Variants in SLC35A3 observed in about 807,000 individuals in gnomAD.
SLC35A3 encodes the protein UDP-N-acetylglucosamine transporter.
SLC35A3 carries 26 observed loss-of-function variants against 39.0 expected under a neutral mutation model. The observed-to-expected ratio is 0.67, with a 90% CI of 0.49 to 0.92. SLC35A3 has a LOEUF of 0.92. Ranked by LOEUF, SLC35A3 falls within the 40% of genes least tolerant of loss-of-function variation. The probability of loss-of-function intolerance (pLI) is 0.00; values close to 1 mark genes in which losing one functional copy is unlikely to be tolerated. For synonymous variants in SLC35A3, 135 were observed against 133.1 expected, an observed-to-expected ratio of 1.01 and a Z score of -0.10; for missense variants, 299 against 371.6, an observed-to-expected ratio of 0.80 and a Z score of 1.61.
intron 1 of SLC35A3, among the ~76,000 whole-genome samples, chr1:99,971,756 T>G (rs1004545414): frequency 3.3e-5 from 5 of 152,248 alleles, no homozygotes; most frequent in African/African-American, 1.2e-4. Context: ...TTTTATCATT[T>G]CTTCCTACAA....
intron 5 of SLC35A3, among the ~76,000 whole-genome samples, chr1:100,012,446 C>T (rs1170322963): frequency 4.6e-5 from 7 of 151,882 alleles, no homozygotes; most frequent in African/African-American, 9.7e-5. Flanking sequence ...CTCCAATGCT[C>T]ATAGAAAAAA....
chr1:99,999,193 T>C, intron 2 of SLC35A3, 68 bp from the exon 3 acceptor site: 1 of 989,382 alleles, frequency 1.0e-6, no homozygotes, highest in Middle Eastern at 3.4e-4. Flanking sequence ...AAAATTGAGA[T>C]CTTGAGAGCA....
chr1:100,011,367 G>T lies in SLC35A3; in HGVS notation c.468G>T (p.Trp156Cys). The T allele has an allele frequency of 6.8e-7, 1 of 1,466,690 alleles. No homozygotes were observed. The highest frequency in any genetic ancestry group is 2.4e-5 in the East Asian group (1 of 41,476). The allele number at this position is 1,466,690 out of a possible 1,614,324, so 90.9% of individuals were successfully genotyped here. Residue 156 changes from tryptophan to cysteine, a missense_variant and splice_region_variant, in exon 5 of 8, where the codon TGG (tryptophan) becomes TGT (cysteine). Transcript: ENST00000533028. ...ATTTTATTTTTCTTCTTATTTAGTG[G>T]CCCTCAGATTCTCAGCTTGATTCTA... ...ILMTGVAFVQ[W>C]PSDSQLDSKE...
intron 3 of SLC35A3, among the ~76,000 whole-genome samples, chr1:100,003,416 C>CAAAAAA (rs34020224): frequency 1.8e-4 from 10 of 57,052 alleles, no homozygotes; most frequent in Admixed American, 3.8e-4. Flanking sequence ...AACTCCATCT[C>CAAAAAA]AAAAAAAAAA....
intron 6 of SLC35A3, among the ~76,000 whole-genome samples, chr1:100,016,258 G>T (rs187028980): frequency 2.6e-4 from 39 of 151,366 alleles, no homozygotes; most frequent in Non-Finnish European, 5.2e-4. Flanking sequence ...AGAGACGGGG[G>T]TTTCACCATG....
intron 2 of SLC35A3, among the ~76,000 whole-genome samples, chr1:99,998,269 C>T (rs141928474): frequency 6.6e-6 from 1 of 152,082 alleles, no homozygotes; most frequent in Non-Finnish European, 1.5e-5. Flanking sequence ...ATCCTCCTGC[C>T]TCAGCCTCCT....
intron 4 of SLC35A3, among the ~76,000 whole-genome samples, chr1:100,010,954 C>T (rs1195223432): frequency 2.6e-5 from 4 of 152,082 alleles, no homozygotes; most frequent in Admixed American, 2.6e-4. Flanking sequence ...AACAGCTTCC[C>T]TTTATTATGC....
At position 99,973,945 on chromosome 1, in the gene SLC35A3, G is replaced by A. The variant is rs185993015; in HGVS notation, c.-19+3783G>A. Among the ~76,000 whole-genome samples the A allele has an allele frequency of 7.1e-4, 108 of 151,812 alleles. 1 individual carries two copies. Among genetic ancestry groups the A allele is most frequent in the African/African-American group, 2.5e-3 (105 of 41,374 alleles). ...CAGGAGAATTGCTTGAACGCGGGAG[G>A]CGGAGGTTGCAGTGAGCCAAAATCG... is the stretch of plus-strand genomic sequence containing the variant. On this transcript the variant is annotated intron_variant, in intron 1 of 7. Coordinates refer to ENST00000533028, the MANE Select transcript of SLC35A3 (RefSeq NM_012243.3).
chr1:99,986,586 A>T (rs987830027), intron 1 of SLC35A3, among the ~76,000 whole-genome samples: 2 of 151,218 alleles, frequency 1.3e-5, no homozygotes, highest in Admixed American at 6.6e-5. Flanking sequence ...TTATTTATTT[A>T]TTTATTTTTT....
At position 100,012,760 on chromosome 1, in the gene SLC35A3, A is replaced by G. The variant is rs144099588; in HGVS notation, c.634+1227A>G. On this transcript the variant is annotated intron_variant, in intron 5 of 7. Coordinates refer to ENST00000533028, the MANE Select transcript of SLC35A3 (RefSeq NM_012243.3). Reference sequence around the variant, plus strand: ...TCTGGATAAAAGTCTATCCTATAAGAGCACAAAGATAGATGTCCAGGATTA... The same window carrying G: ...TCTGGATAAAAGTCTATCCTATAAGGGCACAAAGATAGATGTCCAGGATTA... Among the ~76,000 whole-genome samples, 237 of 152,352 alleles carry G rather than the reference A, an allele frequency of 1.6e-3. 5 individuals carry two copies. The highest frequency in any genetic ancestry group is 0.013 in the Admixed American group (193 of 15,304).
At chr1:100,017,910 G>A in intron 7 of SLC35A3, 95 bp downstream of exon 7, 3 of 629,948 alleles carry the variant, frequency 4.8e-6, no homozygotes, top group Non-Finnish European at 7.8e-6. Context: ...AAGAAGCACT[G>A]AAATATAATT....
At chr1:99,972,186 CCA>C (rs1656854603) in intron 1 of SLC35A3, among the ~76,000 whole-genome samples, 1 of 152,084 alleles carries the variant, frequency 6.6e-6, no homozygotes, top group Non-Finnish European at 1.5e-5. Flanking sequence ...CAGGCATGAG[CCA>C]CTACGCCCAG....
chr1:100,003,138 G>C (rs1184377773), intron 3 of SLC35A3, among the ~76,000 whole-genome samples: 1 of 151,920 alleles, frequency 6.6e-6, no homozygotes, highest in African/African-American at 2.4e-5. Flanking sequence ...TTTCTAGGCT[G>C]GGCACAGTGG....
chr1:100,013,727 A>G (rs545144785), intron 5 of SLC35A3, among the ~76,000 whole-genome samples: 70 of 152,188 alleles, frequency 4.6e-4, no homozygotes, highest in Non-Finnish European at 5.0e-4. Context: ...ATGTAATACC[A>G]TCATATAAAA....
Position 100,011,443 on chromosome 1 carries a change from G to A in SLC35A3, c.544G>A (p.Ala182Thr). The A allele has an allele frequency of 6.3e-7, 1 of 1,583,334 alleles. No homozygotes were observed. The highest frequency in any genetic ancestry group is 2.3e-5 in the East Asian group (1 of 44,058). Residue 182 changes from alanine to threonine, a missense_variant, in exon 5 of 8, where the codon GCA becomes ACA. Coordinates refer to ENST00000533028, the MANE Select transcript of SLC35A3 (RefSeq NM_012243.3). ...QFVGLMAVLT[A>T]CFSSGFAGVY... The stretch of plus-strand genomic sequence containing the variant: ...TGTAGGACTCATGGCAGTTCTCACA[G>A]CATGTTTTTCAAGTGGCTTTGCTGG...
intron 1 of SLC35A3, among the ~76,000 whole-genome samples, chr1:99,979,263 T>C (rs950550641): frequency 6.6e-6 from 1 of 152,176 alleles, no homozygotes; most frequent in African/African-American, 2.4e-5. Flanking sequence ...ATCTGGTTGC[T>C]CTGGGAGAGC....
At chr1:100,006,454 A>G (rs770734896) in intron 3 of SLC35A3, among the ~76,000 whole-genome samples, 21 of 152,114 alleles carry the variant, frequency 1.4e-4, no homozygotes, top group Admixed American at 2.0e-4. Context: ...AGCAGTGTAC[A>G]TGAGTGCCAG....
intron 7 of SLC35A3, 94 bp from the exon 8 acceptor site, chr1:100,022,292 A>G: frequency 1.6e-6 from 1 of 628,348 alleles, no homozygotes; most frequent in Non-Finnish European, 2.7e-6. Context: ...ATTTTTCCCC[A>G]CATTATAATT....
At chr1:99,979,817 G>A (rs1657347461) in intron 1 of SLC35A3, among the ~76,000 whole-genome samples, 1 of 151,860 alleles carries the variant, frequency 6.6e-6, no homozygotes, top group Admixed American at 6.5e-5. Flanking sequence ...GCCGAGGTGG[G>A]TGGATCACCC....
Sources: gnomAD v4.1 joint callset for allele counts (sites outside exome capture counted in the v4.1 genomes callset) on GRCh38, gnomAD v4.1.1 for gene constraint, MANE v1.5 for transcripts, NCBI Gene and HGNC (gene_info 2026-07-23, HGNC 2026-07-21) for gene names.